LRIG2: variants seen among roughly 807,000 people sequenced by gnomAD.
LRIG2 encodes leucine rich repeats and immunoglobulin like domains 2, also known as leucine-rich repeats and immunoglobulin-like domains protein 2.
LRIG2 carries 93 observed loss-of-function variants against 107.8 expected under a neutral mutation model. That is an observed-to-expected ratio of 0.86 (90% CI 0.73 to 1.03). The LOEUF is 1.03. LRIG2 is among the 50% of genes least tolerant of loss of function. The pLI is 0.00. For synonymous variants in LRIG2, 471 were observed against 470.6 expected, an observed-to-expected ratio of 1.00 and a Z score of -0.01; for missense variants, 1,226 against 1,296.0, an observed-to-expected ratio of 0.95 and a Z score of 0.83.
chr1:113,108,664 G>A (rs1430682744), intron 12 of LRIG2, among the ~76,000 whole-genome samples: 1 of 151,760 alleles, frequency 6.6e-6, no homozygotes. Flanking sequence ...GTCATCTGGG[G>A]TCTGGAGTTC....
chr1:113,103,043 A>G (rs1654374010), intron 11 of LRIG2, among the ~76,000 whole-genome samples: 1 of 152,090 alleles, frequency 6.6e-6, no homozygotes, highest in Non-Finnish European at 1.5e-5. Context: ...AGAGCTGGCA[A>G]GAAAGTTTTA....
chr1:113,099,073 ATT>A (rs751311426), intron 9 of LRIG2, among the ~76,000 whole-genome samples: 95 of 151,984 alleles, frequency 6.3e-4, no homozygotes, highest in Non-Finnish European at 1.3e-3. Flanking sequence ...AGTAGCTTGG[ATT>A]ACAAGCGCAT....
At position 113,098,994 on chromosome 1, in the gene LRIG2, G is replaced by A. The variant is rs566940057; in HGVS notation, c.1172+209G>A. On this transcript the variant is annotated intron_variant, in intron 9 of 17. Transcript: ENST00000361127. ...ATCCCAGGCTGGGATGCAGTGGCAC[G>A]ATCTCGGCTCACTACAACCTCTGCC... Among the ~76,000 whole-genome samples, 8 of 151,966 alleles carry A rather than the reference G, an allele frequency of 5.3e-5. No individual in the cohort carries two copies. In the East Asian group the frequency reaches 1.6e-3, roughly 29 times the overall value.
chr1:113,098,244 GATATTA>G (rs2101040681), intron 8 of LRIG2, among the ~76,000 whole-genome samples: 1 of 152,220 alleles, frequency 6.6e-6, no homozygotes, highest in Non-Finnish European at 1.5e-5. Context: ...AAACTGTATT[GATATTA>G]CTCTCTGTCA....
chr1:113,130,170 G>A lies in LRIG2; in HGVS notation c.*6069G>A, dbSNP rs1655650921. On this transcript the variant is annotated 3_prime_UTR_variant, in exon 18 of 18. Coordinates refer to ENST00000361127, the MANE Select transcript of LRIG2 (RefSeq NM_014813.3). ...CAAAGTGCAGGGATTATAGGCATGA[G>A]CCACCGCACCCCGCAGTACTTTCCC... 6.6e-6 allele frequency: 1 copy of A among 152,116 alleles called. No homozygotes were observed. The highest frequency in any genetic ancestry group is 1.5e-5 in the Non-Finnish European group (1 of 68,042). The allele number at this position is 152,116 out of a possible 1,614,324, so 9.4% of individuals were successfully genotyped here.
At chr1:113,096,137 C>T in intron 7 of LRIG2, 85 bp from the exon 8 acceptor site, 3 of 1,578,512 alleles carry the variant, frequency 1.9e-6, no homozygotes, top group Non-Finnish European at 2.6e-6. Flanking sequence ...GTAGAAAGCT[C>T]TAAATTTACC....
chr1:113,120,718 C>G (rs1034156562), intron 17 of LRIG2, among the ~76,000 whole-genome samples: 2 of 151,560 alleles, frequency 1.3e-5, no homozygotes, highest in Admixed American at 6.6e-5. Flanking sequence ...CCATGTTGGT[C>G]AGGCTGGTCT....
chr1:113,078,317 C>T (rs1653087570), intron 1 of LRIG2, among the ~76,000 whole-genome samples: 1 of 151,902 alleles, frequency 6.6e-6, no homozygotes, highest in Admixed American at 6.6e-5. Context: ...TGGTTCACTG[C>T]AACCCCCGCC....
Position 113,124,236 on chromosome 1 carries a change from T to TGG in LRIG2, c.*137_*138dup. 1.3e-6 allele frequency: 1 copy of TGG among 752,060 alleles called. No individual in the cohort carries two copies. Among genetic ancestry groups the TGG allele is most frequent in the Admixed American group, 2.5e-5 (1 of 40,382 alleles). The allele number at this position is 752,060 out of a possible 1,614,324, so 46.6% of individuals were successfully genotyped here. A position where few individuals can be genotyped will look rare whatever the true frequency, so the allele number is the denominator to read the frequency against. ...ATGATTGCATCTGACCGCACCAAGG[T>TGG]GGGCCATGCGTTGTTTGGTCTTATA... On this transcript the variant is annotated 3_prime_UTR_variant, in exon 18 of 18. Coordinates refer to ENST00000361127, the MANE Select transcript of LRIG2 (RefSeq NM_014813.3).
intron 2 of LRIG2, among the ~76,000 whole-genome samples, chr1:113,092,157 G>C (rs1318157880): frequency 1.3e-5 from 2 of 152,182 alleles, no homozygotes; most frequent in Non-Finnish European, 1.5e-5. Context: ...ACTGAGGAAA[G>C]GCCTGAAAAT....
At chr1:113,077,281 A>T (rs1036643333) in intron 1 of LRIG2, among the ~76,000 whole-genome samples, 3 of 151,950 alleles carry the variant, frequency 2.0e-5, no homozygotes, top group Non-Finnish European at 4.4e-5. Flanking sequence ...AGTAGGGATT[A>T]TAGGTGCCCT....
rs1276529072 is a variant in LRIG2 at position 113,128,854 on chromosome 1, T to C, written c.*4753T>C. 5 of 152,192 alleles carry C rather than the reference T, an allele frequency of 3.3e-5. No homozygotes were observed. Among genetic ancestry groups the C allele is most frequent in the Non-Finnish European group, 7.3e-5 (5 of 68,044 alleles). The allele number at this position is 152,192 out of a possible 1,614,324, so 9.4% of individuals were successfully genotyped here. Reference sequence around the variant, plus strand: ...TTGTAACTAGTTTGTGACTCACCTTTCTAATGTATTCGAAGTTATCCCTAT... The same window carrying C: ...TTGTAACTAGTTTGTGACTCACCTTCCTAATGTATTCGAAGTTATCCCTAT... On this transcript the variant is annotated 3_prime_UTR_variant, in exon 18 of 18. Coordinates refer to ENST00000361127, the MANE Select transcript of LRIG2 (RefSeq NM_014813.3).
intron 13 of LRIG2, among the ~76,000 whole-genome samples, chr1:113,112,143 C>T (rs923125898): frequency 6.6e-6 from 1 of 152,046 alleles, no homozygotes; most frequent in African/African-American, 2.4e-5. Flanking sequence ...CATATTCACT[C>T]TTGGCTGGGT....
intron 17 of LRIG2, 136 bp from the exon 18 acceptor site, chr1:113,123,739 G>A: frequency 3.1e-6 from 2 of 642,838 alleles, no homozygotes; most frequent in East Asian, 2.7e-5. Flanking sequence ...GTGTGTGTGT[G>A]TGTGTGTGTG....
chr1:113,092,989 CAAAAAAAAAAG>C (rs1044760444), intron 2 of LRIG2, among the ~76,000 whole-genome samples: 40 of 123,994 alleles, frequency 3.2e-4, no homozygotes, highest in African/African-American at 7.8e-4. Flanking sequence ...AACTCTGTTT[CAAAAAAAAAAG>C]AAAAAAAAAA....
chr1:113,099,576 C>T (rs980149787), intron 9 of LRIG2, among the ~76,000 whole-genome samples: 26 of 151,730 alleles, frequency 1.7e-4, no homozygotes, highest in Admixed American at 1.1e-3. Context: ...TTGTTGTTGT[C>T]GGGGCACTTT....
At chr1:113,076,297 C>T (rs1279084782) in intron 1 of LRIG2, among the ~76,000 whole-genome samples, 2 of 152,194 alleles carry the variant, frequency 1.3e-5, no homozygotes, top group East Asian at 1.9e-4. Flanking sequence ...CGAGCCACTG[C>T]GCTTGGCCAC....
chr1:113,114,920 A>G (rs765721259), intron 15 of LRIG2, 44 bp downstream of exon 15: 64 of 1,436,286 alleles, frequency 4.5e-5, no homozygotes, highest in Middle Eastern at 3.9e-4. Context: ...ACTTCAGTCA[A>G]GAATGTAGTA....
intron 14 of LRIG2, among the ~76,000 whole-genome samples, chr1:113,113,643 A>G (rs1167501534): frequency 1.3e-5 from 2 of 151,162 alleles, no homozygotes; most frequent in East Asian, 3.9e-4. Context: ...GCTCAGAGCA[A>G]CCTCCACTTC....
Sources: gnomAD v4.1 joint callset for allele counts (sites outside exome capture counted in the v4.1 genomes callset) on GRCh38, gnomAD v4.1.1 for gene constraint, MANE v1.5 for transcripts, NCBI Gene and HGNC (gene_info 2026-07-23, HGNC 2026-07-21) for gene names.